SLC4A10: variants seen among roughly 807,000 people sequenced by gnomAD.
SLC4A10 encodes solute carrier family 4 member 10, also known as sodium-driven chloride bicarbonate exchanger.
Under a neutral mutation model 137.7 loss-of-function variants are expected in SLC4A10, and 42 were observed. The ratio of observed to expected loss-of-function variants is 0.30; its 90% CI spans 0.24 to 0.39. SLC4A10 has a LOEUF of 0.39. SLC4A10 is among the 10% of genes least tolerant of loss of function. The probability of loss-of-function intolerance (pLI) is 1.00; values close to 1 mark genes in which losing one functional copy is unlikely to be tolerated. For synonymous variants in SLC4A10, 474 were observed against 464.1 expected (o/e 1.02, Z -0.27); for missense variants, 925 against 1,355.0 (o/e 0.68, Z 4.98).
intron 12 of SLC4A10, among the ~76,000 whole-genome samples, chr2:161,903,426 A>C (rs906057008): frequency 3.3e-5 from 5 of 152,186 alleles, no homozygotes; most frequent in African/African-American, 1.2e-4. Context: ...GCTGCCATCC[A>C]AAAGGACATT....
At chr2:161,670,107 C>G (rs1458916311) in intron 1 of SLC4A10, among the ~76,000 whole-genome samples, 1 of 152,048 alleles carries the variant, frequency 6.6e-6, no homozygotes, top group Non-Finnish European at 1.5e-5. Context: ...TAATACATGT[C>G]AAGTGCTTAT....
chr2:161,632,247 G>T (rs1038684993), intron 1 of SLC4A10, among the ~76,000 whole-genome samples: 2 of 151,614 alleles, frequency 1.3e-5, no homozygotes, highest in Non-Finnish European at 3.0e-5. Flanking sequence ...TACCAGATGG[G>T]ATCAAAACAT....
At chr2:161,953,999 A>G (rs1239744493) in intron 19 of SLC4A10, among the ~76,000 whole-genome samples, 1 of 152,176 alleles carries the variant, frequency 6.6e-6, no homozygotes, top group Non-Finnish European at 1.5e-5. Context: ...TCTTATAAAA[A>G]AGAAAGTTTC....
At chr2:161,969,063 A>G (rs1246938707) in intron 23 of SLC4A10, among the ~76,000 whole-genome samples, 1 of 152,194 alleles carries the variant, frequency 6.6e-6, no homozygotes, top group African/African-American at 2.4e-5. Flanking sequence ...TTGATCATGA[A>G]CTGGCAAGAT....
chr2:161,691,671 G>A (rs537078881), intron 1 of SLC4A10, among the ~76,000 whole-genome samples: 14 of 152,052 alleles, frequency 9.2e-5, no homozygotes, highest in African/African-American at 2.2e-4. Flanking sequence ...TCTTATATAC[G>A]CAATTCTGTG....
At chr2:161,771,504 C>G (rs753354574) in intron 2 of SLC4A10, among the ~76,000 whole-genome samples, 34 of 151,846 alleles carry the variant, frequency 2.2e-4, no homozygotes, top group Non-Finnish European at 4.6e-4. Context: ...CCTAATTCAA[C>G]AGGGAGGTAG....
At chr2:161,821,999 C>G (rs927197111) in intron 3 of SLC4A10, among the ~76,000 whole-genome samples, 1 of 152,284 alleles carries the variant, frequency 6.6e-6, no homozygotes, top group Admixed American at 6.5e-5. Flanking sequence ...ACCATTGCTG[C>G]TATCATTGTG....
At chr2:161,872,473 G>T (rs1476148001) in intron 7 of SLC4A10, 89 bp downstream of exon 7, 3 of 942,412 alleles carry the variant, frequency 3.2e-6, no homozygotes, top group Admixed American at 2.1e-5. Flanking sequence ...ACAATATTTT[G>T]CATGCGCTTT....
intron 2 of SLC4A10, among the ~76,000 whole-genome samples, chr2:161,793,012 C>A (rs1475328523): frequency 6.6e-6 from 1 of 152,092 alleles, no homozygotes; most frequent in Non-Finnish European, 1.5e-5. Flanking sequence ...ATAATCTTAG[C>A]AGTACCAGAA....
At chr2:161,724,188 T>C (rs540897513) in intron 1 of SLC4A10, among the ~76,000 whole-genome samples, 1 of 152,294 alleles carries the variant, frequency 6.6e-6, no homozygotes, top group Non-Finnish European at 1.5e-5. Flanking sequence ...TCCCCTCACC[T>C]CAACCATCCA....
At chr2:161,925,803 T>C (rs1472744511) in intron 15 of SLC4A10, among the ~76,000 whole-genome samples, 4 of 152,218 alleles carry the variant, frequency 2.6e-5, no homozygotes, top group Non-Finnish European at 4.4e-5. Flanking sequence ...CTTCATTTCA[T>C]TATGTACCCA....
intron 1 of SLC4A10, among the ~76,000 whole-genome samples, chr2:161,642,746 A>G (rs2105500078): frequency 6.6e-6 from 1 of 152,116 alleles, no homozygotes; most frequent in Non-Finnish European, 1.5e-5. Context: ...TAAGAAAAAT[A>G]TTGCACTGCT....
intron 6 of SLC4A10, 40 bp from the exon 7 acceptor site, chr2:161,872,253 T>C: frequency 6.7e-7 from 1 of 1,496,366 alleles, no homozygotes; most frequent in African/African-American, 1.4e-5. Context: ...TACAACTATG[T>C]AAGTAATTGT....
intron 5 of SLC4A10, among the ~76,000 whole-genome samples, chr2:161,856,584 G>T (rs1255513183): frequency 6.6e-6 from 1 of 151,994 alleles, no homozygotes; most frequent in Non-Finnish European, 1.5e-5. Flanking sequence ...TAGAGAAAAT[G>T]ATTAACTCAG....
At chr2:161,860,234 T>C (rs1404864806) in intron 5 of SLC4A10, among the ~76,000 whole-genome samples, 2 of 152,234 alleles carry the variant, frequency 1.3e-5, no homozygotes, top group African/African-American at 4.8e-5. Context: ...CAGATGAGTG[T>C]GTTTTTTAAT....
chr2:161,644,243 T>C (rs868240624), intron 1 of SLC4A10, among the ~76,000 whole-genome samples: 45 of 152,240 alleles, frequency 3.0e-4, no homozygotes, highest in African/African-American at 9.6e-4. Context: ...ACACCTGTAT[T>C]CCTAGCACTT....
At chr2:161,639,879 C>T (rs1019447599) in intron 1 of SLC4A10, among the ~76,000 whole-genome samples, 5 of 152,092 alleles carry the variant, frequency 3.3e-5, no homozygotes, top group Admixed American at 2.6e-4. Flanking sequence ...AAACCCTACG[C>T]ACTTCACCAA....
rs550925420 is a variant in SLC4A10, at chr2:161,634,525, T to C, written c.48+9959T>C. 3.7e-4 allele frequency among the ~76,000 whole-genome samples: 57 copies of C among 152,078 alleles called. 1 individual carries two copies. The highest frequency in any genetic ancestry group is 7.5e-4 in the Non-Finnish European group (51 of 67,856). On this transcript the variant is annotated intron_variant, in intron 1 of 26. Coordinates refer to ENST00000446997, the MANE Select transcript of SLC4A10 (RefSeq NM_001178015.2). Reference sequence around the variant, plus strand: ...TGGTAAATATTTCCTGTAGCACTTATGGAGGTGTCTGCCTCATGACTTTTT... The same window carrying C: ...TGGTAAATATTTCCTGTAGCACTTACGGAGGTGTCTGCCTCATGACTTTTT...
At chr2:161,649,323 T>C (rs1275551715) in intron 1 of SLC4A10, among the ~76,000 whole-genome samples, 1 of 152,204 alleles carries the variant, frequency 6.6e-6, no homozygotes, top group East Asian at 1.9e-4. Flanking sequence ...ATTGTGCCAT[T>C]GCACTCCAGC....
Sources: gnomAD v4.1 joint callset for allele counts (sites outside exome capture counted in the v4.1 genomes callset) on GRCh38, gnomAD v4.1.1 for gene constraint, MANE v1.5 for transcripts, NCBI Gene and HGNC (gene_info 2026-07-23, HGNC 2026-07-21) for gene names.